Variants in PCDHA5 observed in about 807,000 individuals in gnomAD.
The protein encoded by PCDHA5 is protocadherin alpha-5.
PCDHA5 carries 43 observed loss-of-function variants against 61.6 expected under a neutral mutation model. The observed-to-expected ratio is 0.70, with a 90% CI of 0.55 to 0.90. The LOEUF is 0.90. Ranked by LOEUF, PCDHA5 falls within the 40% of genes least tolerant of loss-of-function variation. The pLI, the probability that PCDHA5 is intolerant of heterozygous loss-of-function variation, is 0.00. For synonymous variants in PCDHA5, 627 were observed against 543.9 expected, an observed-to-expected ratio of 1.15 and a Z score of -2.13; for missense variants, 1,298 against 1,222.7, an observed-to-expected ratio of 1.06 and a Z score of -0.92.
At chr5:140,860,133 G>GTATATATATGTATATATGTGTA (rs2046204026) in intron 1 of PCDHA5, 2 of 149,192 alleles carry the variant, frequency 1.3e-5, no homozygotes, top group African/African-American at 2.5e-5. Context: ...GTGTGTGTGT[G>GTATATATATGTATATATGTGTA]TATATATATG....
At chr5:140,962,565 C>G (rs2095693012) in intron 1 of PCDHA5, among the ~76,000 whole-genome samples, 1 of 152,130 alleles carries the variant, frequency 6.6e-6, no homozygotes, top group African/African-American at 2.4e-5. Flanking sequence ...CCCCTAAAAG[C>G]CAATTGTTAA....
intron 1 of PCDHA5, chr5:140,851,988 A>G: frequency 1.0e-6 from 1 of 975,740 alleles, no homozygotes. Flanking sequence ...AGTGCAAGCT[A>G]TTTGTTTGTT....
At position 140,822,813 on chromosome 5, in the gene PCDHA5, C is replaced by A. The variant is rs1360535940; in HGVS notation, c.1038C>A (p.Thr346=). 8 of 1,613,942 alleles carry A rather than the reference C, an allele frequency of 5.0e-6. No individual in the cohort carries two copies. The Middle Eastern group carries it at 4.9e-4, about 99-fold the overall frequency. Residue 346 remains threonine (T), a synonymous_variant, in exon 1 of 4, where the codon ACC becomes ACA. Transcript: ENST00000529859. ...AACTCCTGGATGTGAATGATAATAC[C>A]CCAGAGATGGCCATAACCACCCTTT... ...VVKLLDVNDN[T]PEMAITTLFL... is the part of the protein sequence containing the mutation.
rs1320219732 is a variant in PCDHA5, at chr5:140,966,886, G to A, written c.2353-12063G>A. On this transcript the variant is annotated intron_variant, in intron 1 of 3. Coordinates refer to ENST00000529859, the MANE Select transcript of PCDHA5 (RefSeq NM_018908.3). Reference sequence around the variant, plus strand: ...TGCTGCTGCTGCTACCTGGCCCTGCGGCCTCCCAGCTGCGATACTCTGTGC... The same window carrying A: ...TGCTGCTGCTGCTACCTGGCCCTGCAGCCTCCCAGCTGCGATACTCTGTGC... The A allele has an allele frequency of 5.7e-6, 9 of 1,592,130 alleles. No individual in the cohort carries two copies. The Admixed American group carries it at 1.0e-4, about 18-fold the overall frequency.
At chr5:140,889,677 A>C (rs2062337974) in intron 1 of PCDHA5, among the ~76,000 whole-genome samples, 1 of 152,018 alleles carries the variant, frequency 6.6e-6, no homozygotes, top group Non-Finnish European at 1.5e-5. Flanking sequence ...TTTTATTTTA[A>C]ACCTTTTAGT....
chr5:140,882,608 C>T (rs748674238), intron 1 of PCDHA5: 20 of 1,614,132 alleles, frequency 1.2e-5, no homozygotes, highest in Non-Finnish European at 1.7e-5. Flanking sequence ...GGACAGGCCT[C>T]TGCAGGTTTT....
intron 1 of PCDHA5, among the ~76,000 whole-genome samples, chr5:140,945,480 C>A (rs2093795468): frequency 6.6e-6 from 1 of 151,728 alleles, no homozygotes; most frequent in South Asian, 2.1e-4. Context: ...CACAAAACAC[C>A]CCAAATACCC....
intron 1 of PCDHA5, chr5:140,830,028 G>A (rs2150179935): frequency 6.2e-7 from 1 of 1,613,878 alleles, no homozygotes; most frequent in Admixed American, 1.7e-5. Flanking sequence ...CCGCGCCACC[G>A]GCTGCTGGTG....
chr5:140,836,438 C>T (rs2150261079), intron 1 of PCDHA5: 1 of 1,613,840 alleles, frequency 6.2e-7, no homozygotes, highest in African/African-American at 1.3e-5. Context: ...CATCGTTGGG[C>T]ATTGCAGGCC....
chr5:140,848,477 A>G (rs1473834306), intron 1 of PCDHA5: 1 of 1,563,760 alleles, frequency 6.4e-7, no homozygotes, highest in Non-Finnish European at 8.7e-7. Context: ...ACTAATTAGA[A>G]GAAGACTGAG....
intron 1 of PCDHA5, among the ~76,000 whole-genome samples, chr5:140,846,781 T>C (rs1259185790): frequency 3.3e-5 from 5 of 149,452 alleles, no homozygotes; most frequent in African/African-American, 4.9e-5. Context: ...TCAGGAATTA[T>C]TACTGAGCCC....
chr5:140,881,319 T>C lies in PCDHA5; in HGVS notation c.2352+57192T>C, dbSNP rs183772489. Reference sequence around the variant, plus strand: ...AAACTTTAACCTCCTGGTTAAATTCTATTTAACCAGGACGCCGATTCGGGC... The same window carrying C: ...AAACTTTAACCTCCTGGTTAAATTCCATTTAACCAGGACGCCGATTCGGGC... On this transcript the variant is annotated intron_variant, in intron 1 of 3. Transcript: ENST00000529859. 1.0e-4 allele frequency: 101 copies of C among 979,186 alleles called. No individual in the cohort carries two copies. The African/African-American group carries it at 1.7e-3, about 17-fold the overall frequency. 60.7% of individuals were successfully genotyped at this position (979,186 alleles called of 1,614,324 possible).
At chr5:140,968,578 C>T in intron 1 of PCDHA5, 3 of 1,614,206 alleles carry the variant, frequency 1.9e-6, no homozygotes, top group Non-Finnish European at 2.5e-6. Context: ...GCTACCTGGT[C>T]ACCAAAGTCA....
Position 140,928,358 on chromosome 5 carries a change from CT to C in PCDHA5, c.2353-50590del, listed in dbSNP as rs782782118. 3.7e-6 allele frequency: 6 copies of C among 1,614,178 alleles called. No homozygotes were observed. In the Admixed American group the frequency reaches 1.0e-4, roughly 27 times the overall value. ...TCTTATGAGCTGTTGGATGTTATCT[CT>C]GAAGGGCCATCAGCCTCTAGCTTGC... On this transcript the variant is annotated intron_variant, in intron 1 of 3. Coordinates refer to ENST00000529859, the MANE Select transcript of PCDHA5 (RefSeq NM_018908.3).
At chr5:140,866,073 G>A (rs1329544131) in intron 1 of PCDHA5, 1 of 152,068 alleles carries the variant, frequency 6.6e-6, no homozygotes, top group Non-Finnish European at 1.5e-5. Flanking sequence ...ACTGAGATAG[G>A]TATTTTGGTT....
At position 140,942,948 on chromosome 5, in the gene PCDHA5, C is replaced by T. The variant is rs534534050; in HGVS notation, c.2353-36001C>T. 1.4e-4 allele frequency among the ~76,000 whole-genome samples: 22 copies of T among 151,804 alleles called. No individual in the cohort carries two copies. The South Asian group carries it at 4.0e-3, about 27-fold the overall frequency. On this transcript the variant is annotated intron_variant, in intron 1 of 3. Transcript: ENST00000529859. ...ATTGAAAAAGAGTTTAAAGTGTAGA[C>T]GTTCTGTTATCAGAATTAAATTTTG... is the stretch of plus-strand genomic sequence containing the variant.
At chr5:140,877,710 G>T in intron 1 of PCDHA5, 1 of 1,614,098 alleles carries the variant, frequency 6.2e-7, no homozygotes, top group Non-Finnish European at 8.5e-7. Context: ...GCGCCGTGGG[G>T]AGTTGGTCTT....
chr5:140,900,233 GT>G (rs1261263702), intron 1 of PCDHA5, among the ~76,000 whole-genome samples: 15 of 151,946 alleles, frequency 9.9e-5, no homozygotes, highest in African/African-American at 2.7e-4. Context: ...ACTGGATCTT[GT>G]TTTTTTTATG....
At chr5:140,838,642 A>G (rs1255471339) in intron 1 of PCDHA5, among the ~76,000 whole-genome samples, 7 of 152,060 alleles carry the variant, frequency 4.6e-5, no homozygotes, top group African/African-American at 1.5e-4. Context: ...GTTGGTCAAA[A>G]AAATGATAGT....
Sources: allele counts gnomAD v4.1 joint callset (sites outside exome capture counted in the v4.1 genomes callset), GRCh38; gene constraint gnomAD v4.1.1; transcripts MANE v1.5; gene names NCBI Gene and HGNC (gene_info 2026-07-23, HGNC 2026-07-21).